Variants in MYOM2 observed in about 807,000 individuals in gnomAD.
MYOM2 encodes myomesin-2.
Under a neutral mutation model 187.6 loss-of-function variants are expected in MYOM2, and 254 were observed. The ratio of observed to expected loss-of-function variants is 1.35; its 90% CI spans 1.22 to 1.50. The LOEUF (loss-of-function observed/expected upper bound fraction) is 1.50, where lower values mean the gene tolerates loss of function less well. MYOM2 is among the 40% of genes most tolerant of loss of function. MYOM2 has a pLI of 0.00. For missense variants in MYOM2, 2,796 were observed against 1,924.0 expected (o/e 1.45, Z -8.48); for synonymous variants, 981 against 753.8 (o/e 1.30, Z -4.94).
rs1322116490 is a variant in MYOM2, at chr8:2,067,959, T to G, written c.654-1319T>G. Among the ~76,000 whole-genome samples the G allele has an allele frequency of 2.6e-5, 4 of 152,236 alleles. No homozygotes were observed. In the East Asian group the frequency reaches 7.7e-4, roughly 29 times the overall value. On this transcript the variant is annotated intron_variant, in intron 6 of 36. Transcript: ENST00000262113. ...GAATCTGCTTTTGGAACAGGGAGTT[T>G]GTCACTTAGAAGTTAATCGGTCTCT...
chr8:2,088,879 C>T (rs935812739), intron 14 of MYOM2, among the ~76,000 whole-genome samples: 1 of 152,218 alleles, frequency 6.6e-6, no homozygotes, highest in East Asian at 1.9e-4. Flanking sequence ...ATTCCCCCAG[C>T]AGTGGATAAG....
chr8:2,048,785 AT>A lies in MYOM2; in HGVS notation c.-12-1965del, dbSNP rs1818387530. ...TATTTATTTATTTATTTTATTTTTT[AT>A]TTTTATTTTATTTTTTTTTTTGAGA... is the stretch of plus-strand genomic sequence containing the variant. On this transcript the variant is annotated intron_variant, in intron 1 of 36. Coordinates refer to ENST00000262113, the MANE Select transcript of MYOM2 (RefSeq NM_003970.4). 1.2e-4 allele frequency among the ~76,000 whole-genome samples: 13 copies of A among 107,294 alleles called. 1 individual carries two copies. The South Asian group carries it at 5.1e-3, about 42-fold the overall frequency. 70.4% of individuals were successfully genotyped at this position (107,294 alleles called of 152,430 possible).
chr8:2,063,954 C>G (rs1450932343), intron 6 of MYOM2, among the ~76,000 whole-genome samples: 6 of 152,356 alleles, frequency 3.9e-5, no homozygotes, highest in Middle Eastern at 3.4e-3. Flanking sequence ...CTTGCAAGTT[C>G]TCACAGCATG....
chr8:2,077,762 C>A (rs1585862193), intron 11 of MYOM2, among the ~76,000 whole-genome samples: 1 of 152,304 alleles, frequency 6.6e-6, no homozygotes, highest in East Asian at 1.9e-4. Context: ...ACATGAAATT[C>A]AAAGCAACGG....
chr8:2,078,623 T>G, intron 11 of MYOM2, 111 bp from the exon 12 acceptor site: 102 of 953,432 alleles, frequency 1.1e-4, no homozygotes, highest in Middle Eastern at 2.5e-4. Context: ...TTTACTGGCG[T>G]GAGATATTGT....
intron 32 of MYOM2, 149 bp downstream of exon 32, chr8:2,129,381 C>A (rs1797772919): frequency 3.7e-6 from 2 of 537,704 alleles, no homozygotes; most frequent in Non-Finnish European, 3.4e-6. Flanking sequence ...CAACCTTTAG[C>A]TCAGGGAAGG....
chr8:2,130,262 C>T (rs1309220658), intron 32 of MYOM2, among the ~76,000 whole-genome samples: 4 of 142,880 alleles, frequency 2.8e-5, no homozygotes, highest in Non-Finnish European at 5.9e-5. Context: ...CTTTAGTTAA[C>T]GCCCGTCAGT....
At chr8:2,080,107 T>A (rs6558596) in intron 13 of MYOM2, among the ~76,000 whole-genome samples, 48,027 of 152,158 alleles carry the variant, frequency 0.32, 7,941 homozygotes, top group East Asian at 0.4. Flanking sequence ...TCTTCCTGAT[T>A]TTCCTTTTAG....
chr8:2,106,269 A>G lies in MYOM2; in HGVS notation c.2762A>G (p.Asp921Gly). Residue 921 changes from aspartate to glycine, a missense_variant, in exon 22 of 37, where the codon GAT becomes GGT. Coordinates refer to ENST00000262113, the MANE Select transcript of MYOM2 (RefSeq NM_003970.4). ...ACCAAGGAAATCAGTGCTGGTGTCG[A>G]TGAACAAGGCAACATCTATCTGGGC... ...PGTKEISAGV[D>G]EQGNIYLGFD... 8.7e-6 allele frequency: 14 copies of G among 1,614,196 alleles called. No homozygotes were observed. The highest frequency in any genetic ancestry group is 1.2e-5 in the Non-Finnish European group (14 of 1,180,048).
Position 2,141,016 on chromosome 8 carries a change from A to C in MYOM2, c.3965-125A>C, listed in dbSNP as rs1271240760. On this transcript the variant is annotated intron_variant, in intron 33 of 36. Transcript: ENST00000262113. ...CAATTTTCATTTAGAGAAAATGAAA[A>C]AATAAATTTATTCTTTTTTTATATA... is the stretch of plus-strand genomic sequence containing the variant. 4.5e-6 allele frequency: 6 copies of C among 1,325,524 alleles called. No individual in the cohort carries two copies. In the East Asian group the frequency reaches 1.3e-4, roughly 28 times the overall value. The allele number at this position is 1,325,524 out of a possible 1,614,324, so 82.1% of individuals were successfully genotyped here. A position where few individuals can be genotyped will look rare whatever the true frequency, so the allele number is the denominator to read the frequency against.
At position 2,140,999 on chromosome 8, in the gene MYOM2, A is replaced by G. The variant is rs74348145; in HGVS notation, c.3964+113A>G. ...GAGACAATATGAATTTACAATTTTC[A>G]TTTAGAGAAAATGAAAAAATAAATT... is the stretch of plus-strand genomic sequence containing the variant. On this transcript the variant is annotated intron_variant, in intron 33 of 36. Coordinates refer to ENST00000262113, the MANE Select transcript of MYOM2 (RefSeq NM_003970.4). 1.4e-3 allele frequency: 1,829 copies of G among 1,348,380 alleles called. 3 individuals are homozygous for G. Among genetic ancestry groups the G allele is most frequent in the Non-Finnish European group, 1.7e-3 (1,714 of 1,002,798 alleles). The allele number at this position is 1,348,380 out of a possible 1,614,324, so 83.5% of individuals were successfully genotyped here. A position where few individuals can be genotyped will look rare whatever the true frequency, so the allele number is the denominator to read the frequency against.
chr8:2,060,539 T>A (rs572633469), intron 6 of MYOM2, among the ~76,000 whole-genome samples: 1 of 152,082 alleles, frequency 6.6e-6, no homozygotes. Context: ...AAGTGAGACA[T>A]TGGAACATAC....
chr8:2,087,295 C>T (rs940087482), intron 14 of MYOM2, among the ~76,000 whole-genome samples: 24 of 152,108 alleles, frequency 1.6e-4, no homozygotes, highest in African/African-American at 5.6e-4. Context: ...ATACAATAAT[C>T]GCATCTAGCA....
At position 2,072,820 on chromosome 8, in the gene MYOM2, G is replaced by A. The variant is rs1038082938; in HGVS notation, c.958+311G>A. On this transcript the variant is annotated intron_variant, in intron 9 of 36. Coordinates refer to ENST00000262113, the MANE Select transcript of MYOM2 (RefSeq NM_003970.4). ...TGCACATTACTGCATGGAAGGGGCT[G>A]GTTAGCAGCTTGTGTACTATTTCTA... Among the ~76,000 whole-genome samples, 5 of 152,232 alleles carry A rather than the reference G, an allele frequency of 3.3e-5. No individual in the cohort carries two copies. In the East Asian group the frequency reaches 7.7e-4, roughly 23 times the overall value.
Position 2,108,839 on chromosome 8 carries a change from G to T in MYOM2, c.3043+9G>T. The T allele has an allele frequency of 6.2e-7, 1 of 1,613,876 alleles. No homozygotes were observed. The highest frequency in any genetic ancestry group is 8.5e-7 in the Non-Finnish European group (1 of 1,179,900). ...TGAAATAAAGAACCCCAGTAAGTAA[G>T]CCTCCAGCCCTTCCCCTCTGCTTGC... On this transcript the variant is annotated intron_variant, in intron 24 of 36. Coordinates refer to ENST00000262113, the MANE Select transcript of MYOM2 (RefSeq NM_003970.4).
rs1159076181 is a variant in MYOM2, at chr8:2,109,650, T to G, written c.3180+119T>G. 9.7e-6 allele frequency: 11 copies of G among 1,129,596 alleles called. No individual in the cohort carries two copies. In the Admixed American group the frequency reaches 2.8e-4, roughly 29 times the overall value. The allele number at this position is 1,129,596 out of a possible 1,614,324, so 70.0% of individuals were successfully genotyped here. A position where few individuals can be genotyped will look rare whatever the true frequency, so the allele number is the denominator to read the frequency against. ...CCATCCTTTTCTGAGCCTTAAAGAT[T>G]GGGGCATGGAAGGTTGACAAGATGA... is the stretch of plus-strand genomic sequence containing the variant. On this transcript the variant is annotated intron_variant, in intron 25 of 36. Coordinates refer to ENST00000262113, the MANE Select transcript of MYOM2 (RefSeq NM_003970.4).
In MYOM2 at chr8:2,129,133, C is replaced by T; in HGVS notation, c.3701C>T (p.Ser1234Phe). 6.2e-7 allele frequency: 1 copy of T among 1,601,872 alleles called. No individual in the cohort carries two copies. Among genetic ancestry groups the T allele is most frequent in the Non-Finnish European group, 8.5e-7 (1 of 1,169,800 alleles). ...ILAMSRVCGK[S>F]ASPLKVLCTP... is the part of the protein sequence containing the mutation. The stretch of plus-strand genomic sequence containing the variant: ...GATGTTTTATTTTCTGCAGGGAAAT[C>T]TGCTTCGCCACTGAAGGTACTCTGC... Residue 1234 changes from serine to phenylalanine, a missense_variant, in exon 32 of 37, where the codon TCT (serine) becomes TTT (phenylalanine). Ser to Phe is a radical substitution (Grantham distance 155). Transcript: ENST00000262113.
chr8:2,133,136 T>A (rs1438383251), intron 32 of MYOM2, among the ~76,000 whole-genome samples: 1 of 148,666 alleles, frequency 6.7e-6, no homozygotes, highest in East Asian at 2.0e-4. Flanking sequence ...TGTGTTCTGA[T>A]GTTCACTATT....
chr8:2,096,206 G>T (rs58868465), intron 17 of MYOM2, 41 bp from the exon 18 acceptor site: 5 of 1,586,950 alleles, frequency 3.2e-6, no homozygotes, highest in Non-Finnish European at 4.3e-6. Flanking sequence ...AAAGCCCCCA[G>T]CTGAGGCCCT....
Sources: allele counts gnomAD v4.1 joint callset (sites outside exome capture counted in the v4.1 genomes callset), GRCh38; gene constraint gnomAD v4.1.1; transcripts MANE v1.5; gene names NCBI Gene and HGNC (gene_info 2026-07-23, HGNC 2026-07-21).